CIITA: variants seen among roughly 807,000 people sequenced by gnomAD.
CIITA encodes the protein class II major histocompatibility complex transactivator.
A neutral mutation model predicts 115.1 loss-of-function variants in CIITA; 72 were observed. The ratio of observed to expected loss-of-function variants is 0.63; its 90% CI spans 0.52 to 0.76. CIITA has a LOEUF of 0.76. CIITA is among the 30% of genes least tolerant of loss of function. The pLI is 0.00. For synonymous variants in CIITA, 763 were observed against 635.6 expected, an observed-to-expected ratio of 1.20 and a Z score of -3.02; for missense variants, 1,617 against 1,463.8, an observed-to-expected ratio of 1.10 and a Z score of -1.71.
chr16:10,904,761 ACCCAATGCCCGG>A lies in CIITA; in HGVS notation c.957_968del (p.Gln320_Ala323del). 1.2e-6 allele frequency: 2 copies of A among 1,614,022 alleles called. No homozygotes were observed. Among genetic ancestry groups the A allele is most frequent in the South Asian group, 2.2e-5 (2 of 91,076 alleles). The stretch of plus-strand genomic sequence containing the variant: ...ATCTCCAGAGCACAAGACGTCCCCC[ACCCAATGCCCGG>A]CAGCTGGAGAGGTCTCCAACAAGCT... On this transcript the variant is annotated inframe_deletion, in exon 10 of 20. Transcript: ENST00000324288.
intron 1 of CIITA, among the ~76,000 whole-genome samples, chr16:10,889,185 G>T (rs141614653): frequency 6.6e-6 from 1 of 152,164 alleles, no homozygotes; most frequent in Non-Finnish European, 1.5e-5. Flanking sequence ...GATGATCAGG[G>T]CCATCTTTTC....
chr16:10,916,292 G>A, intron 14 of CIITA, 75 bp from the exon 15 acceptor site: 1 of 1,385,220 alleles, frequency 7.2e-7, no homozygotes, highest in Non-Finnish European at 1.0e-6. Context: ...GGGCTGAGGA[G>A]GCCCTCACTG....
intron 1 of CIITA, among the ~76,000 whole-genome samples, chr16:10,868,620 G>T (rs1174666312): frequency 6.6e-6 from 1 of 152,116 alleles, no homozygotes; most frequent in African/African-American, 2.4e-5. Context: ...CTTGATGGTG[G>T]CACAGATGCC....
At chr16:10,868,943 G>A (rs1406611282) in intron 1 of CIITA, among the ~76,000 whole-genome samples, 1 of 152,250 alleles carries the variant, frequency 6.6e-6, no homozygotes, top group African/African-American at 2.4e-5. Flanking sequence ...AGGGCTGCCA[G>A]GCTTGACCTG....
chr16:10,915,064 CT>C (rs996992071), intron 13 of CIITA: 1 of 454,478 alleles, frequency 2.2e-6, no homozygotes, highest in Middle Eastern at 3.6e-4. Context: ...TGTTTTTTTT[CT>C]TTTTTGAGAC....
intron 3 of CIITA, among the ~76,000 whole-genome samples, chr16:10,896,812 T>C (rs551954756): frequency 6.6e-6 from 1 of 152,298 alleles, no homozygotes; most frequent in East Asian, 1.9e-4. Flanking sequence ...ATGTGGCCAA[T>C]TTTTCCCCAG....
In CIITA at chr16:10,906,838, T is replaced by C. The variant is rs2039194668; in HGVS notation, c.1346T>C (p.Phe449Ser). The change falls in exon 11 of 20, where the codon TTC becomes TCC. Residue 449 changes from phenylalanine (F) to serine (S), a missense_variant. Phe to Ser is a radical substitution (Grantham distance 155). Coordinates refer to ENST00000324288, the MANE Select transcript of CIITA (RefSeq NM_000246.4). ...CGGCTTCCCCAGTACGACTTTGTCTTCTCTGTCCCCTGCCATTGCTTGAAC... is the reference window on the plus strand; with the variant it reads ...CGGCTTCCCCAGTACGACTTTGTCTCCTCTGTCCCCTGCCATTGCTTGAAC... Reference protein sequence around the residue: ...CGRLPQYDFVFSVPCHCLNRP... With the variant: ...CGRLPQYDFVSSVPCHCLNRP... 1 of 1,613,132 alleles carries C rather than the reference T, an allele frequency of 6.2e-7. No homozygotes were observed. The highest frequency in any genetic ancestry group is 1.1e-5 in the South Asian group (1 of 91,088).
Position 10,902,050 on chromosome 16 carries a change from C to G in CIITA, c.494C>G (p.Thr165Ser), listed in dbSNP as rs34648899. Residue 165 changes from threonine (T) to serine (S), a missense_variant, in exon 7 of 20, where the codon ACT becomes AGT. Thr to Ser is a moderately conservative substitution (Grantham distance 58). Transcript: ENST00000324288. Reference sequence around the variant, plus strand: ...CACTTCCTCACAGCTGAGCCCCCCACTGTGGTGACTGGCAGTCTCCTAGTG... The same window carrying G: ...CACTTCCTCACAGCTGAGCCCCCCAGTGTGGTGACTGGCAGTCTCCTAGTG... ...LKHWKPAEPP[T>S]VVTGSLLVGP... 8.3e-4 allele frequency: 1,334 copies of G among 1,614,156 alleles called. 9 individuals carry two copies. The African/African-American group carries it at 0.015, about 18-fold the overall frequency.
chr16:10,895,005 G>A (rs1333959504), intron 1 of CIITA, among the ~76,000 whole-genome samples: 1 of 152,286 alleles, frequency 6.6e-6, no homozygotes, highest in South Asian at 2.1e-4. Flanking sequence ...AATGTGGGAC[G>A]GGTCTCCTGA....
At position 10,936,210 on chromosome 16, in the gene CIITA, G is replaced by T. The variant is rs138822371; in HGVS notation, c.*12355G>T. On this transcript the variant is annotated 3_prime_UTR_variant, in exon 20 of 20. Transcript: ENST00000324288. Reference sequence around the variant, plus strand: ...GGGGTCTCACTATGTTGCCCAGGCTGGTTTCAAACTCAAGTGATCCTTCCA... The same window carrying T: ...GGGGTCTCACTATGTTGCCCAGGCTTGTTTCAAACTCAAGTGATCCTTCCA... 3.3e-4 allele frequency: 50 copies of T among 151,984 alleles called. No homozygotes were observed. The highest frequency in any genetic ancestry group is 1.1e-3 in the African/African-American group (45 of 41,430). 9.4% of individuals were successfully genotyped at this position (151,984 alleles called of 1,614,324 possible). A position where few individuals can be genotyped will look rare whatever the true frequency, so the allele number is the denominator to read the frequency against.
Position 10,923,444 on chromosome 16 carries a change from C to A in CIITA, c.*22+119C>A, listed in dbSNP as rs182084755. 3.9e-6 allele frequency: 3 copies of A among 760,082 alleles called. No homozygotes were observed. The highest frequency in any genetic ancestry group is 6.9e-6 in the Non-Finnish European group (3 of 436,846). The allele number at this position is 760,082 out of a possible 1,614,324, so 47.1% of individuals were successfully genotyped here. ...GTGGGGCTAGGCCACCACCCTTGGA[C>A]GCATGCGTCATCAGAGACATCCCCT... On this transcript the variant is annotated intron_variant, in intron 19 of 19. Transcript: ENST00000324288. The surrounding 1 kb of genome is among the most constrained non-coding windows in gnomAD (Gnocchi z 5.2).
intron 17 of CIITA, 69 bp from the exon 18 acceptor site, chr16:10,922,338 T>G: frequency 1.2e-6 from 2 of 1,608,598 alleles, no homozygotes; most frequent in East Asian, 4.5e-5. Flanking sequence ...GAGCTGGATG[T>G]GGGGGTGGCC....
chr16:10,883,119 G>A (rs1011891347), intron 1 of CIITA, among the ~76,000 whole-genome samples: 16 of 152,118 alleles, frequency 1.1e-4, no homozygotes, highest in Admixed American at 1.3e-4. Flanking sequence ...GAGTGCTGGC[G>A]GGGGGACTGT....
chr16:10,919,554 G>T (rs935429733), intron 16 of CIITA, among the ~76,000 whole-genome samples: 1 of 151,424 alleles, frequency 6.6e-6, no homozygotes, highest in African/African-American at 2.4e-5. Context: ...TCTCACCCAG[G>T]TTGTAGTGCA....
chr16:10,878,429 C>T (rs2036052999), intron 1 of CIITA, among the ~76,000 whole-genome samples: 3 of 152,190 alleles, frequency 2.0e-5, no homozygotes, highest in African/African-American at 7.2e-5. Context: ...TCCAAGACCT[C>T]TGAAAAGGAC....
At chr16:10,888,823 T>G (rs1408906419) in intron 1 of CIITA, 3 of 152,220 alleles carry the variant, frequency 2.0e-5, no homozygotes, top group East Asian at 3.9e-4. Flanking sequence ...CTCGCCGGGG[T>G]GCTGGGGGGC....
rs991428940 is a variant in CIITA, at chr16:10,879,753, G to A, written c.52+2371G>A. Among the ~76,000 whole-genome samples, 1 of 152,178 alleles carries A rather than the reference G, an allele frequency of 6.6e-6. No individual in the cohort carries two copies. The highest frequency in any genetic ancestry group is 2.4e-5 in the African/African-American group (1 of 41,446). ...GAGGCTAAAGCGCCCCGGAAAGCCA[G>A]CGTGCGAATGCCGGGGTGGGAGTGG... On this transcript the variant is annotated intron_variant, in intron 1 of 19. Transcript: ENST00000324288. This position sits in a 1 kb window ranked among gnomAD's most constrained non-coding sequence, Gnocchi z 4.3.
At position 10,923,341 on chromosome 16, in the gene CIITA, T is replaced by G. The variant is rs769685256; in HGVS notation, c.*22+16T>G. The G allele has an allele frequency of 8.2e-6, 12 of 1,460,938 alleles. No homozygotes were observed. Among genetic ancestry groups the G allele is most frequent in the Non-Finnish European group, 1.1e-5 (11 of 1,042,378 alleles). 90.5% of individuals were successfully genotyped at this position (1,460,938 alleles called of 1,614,324 possible). A position where few individuals can be genotyped will look rare whatever the true frequency, so the allele number is the denominator to read the frequency against. ...TCTGGACAGGGTAACCAGGGTGGGC[T>G]TGGGAGGGGAGAGCCGCAGTGGGTT... is the stretch of plus-strand genomic sequence containing the variant. On this transcript the variant is annotated intron_variant, in intron 19 of 19. Coordinates refer to ENST00000324288, the MANE Select transcript of CIITA (RefSeq NM_000246.4). This position sits in a 1 kb window ranked among gnomAD's most constrained non-coding sequence, Gnocchi z 5.2.
At chr16:10,905,663 G>C (rs996305958) in intron 10 of CIITA, among the ~76,000 whole-genome samples, 2 of 151,970 alleles carry the variant, frequency 1.3e-5, no homozygotes. Flanking sequence ...TTGGCAGGCC[G>C]AGGCAGGAGA....
Sources: gnomAD v4.1 joint callset for allele counts (sites outside exome capture counted in the v4.1 genomes callset) on GRCh38, gnomAD v4.1.1 for gene constraint, Gnocchi (gnomAD v3.1) non-coding constraint, MANE v1.5 for transcripts, NCBI Gene and HGNC (gene_info 2026-07-23, HGNC 2026-07-21) for gene names.